The following BMPR2 variants were observed in gnomAD, a reference collection of about 807,000 sequenced individuals.
BMPR2 encodes the protein bone morphogenetic protein receptor type 2.
In BMPR2, 29 loss-of-function variants were observed where a neutral mutation model predicts 100.8. That is an observed-to-expected ratio of 0.29 (90% CI 0.21 to 0.39). The LOEUF (loss-of-function observed/expected upper bound fraction) is 0.39. Ranked by LOEUF, BMPR2 falls within the 10% of genes least tolerant of loss-of-function variation. BMPR2 has a pLI of 1.00. For missense variants in BMPR2, 1,011 were observed against 1,274.5 expected (o/e 0.79, Z 3.15); for synonymous variants, 382 against 442.3 (o/e 0.86, Z 1.71).
At position 202,532,481 on chromosome 2, in the gene BMPR2, A is replaced by T; in HGVS notation, c.1129-104A>T. On this transcript the variant is annotated intron_variant, in intron 8 of 12. Transcript: ENST00000374580. The surrounding 1 kb of genome is among the most constrained non-coding windows in gnomAD (Gnocchi z 4.1). ...GGTTTAATGACATGGTTAGGGTCAA[A>T]TAACATTGACATGACTAAGATTTAT... 10 of 1,388,830 alleles carry T rather than the reference A, an allele frequency of 7.2e-6. No homozygotes were observed. The highest frequency in any genetic ancestry group is 1.0e-5 in the Non-Finnish European group (10 of 995,964). The allele number at this position is 1,388,830 out of a possible 1,614,324, so 86.0% of individuals were successfully genotyped here.
At chr2:202,518,729 G>C (rs746975818) in intron 5 of BMPR2, 93 bp from the exon 6 acceptor site, 53 of 994,244 alleles carry the variant, frequency 5.3e-5, no homozygotes, top group Middle Eastern at 2.3e-4. Flanking sequence ...ACAGAGAGCT[G>C]TAGCATTCTG....
At chr2:202,508,407 T>G (rs969864970) in intron 3 of BMPR2, among the ~76,000 whole-genome samples, 1 of 152,188 alleles carries the variant, frequency 6.6e-6, no homozygotes, top group Non-Finnish European at 1.5e-5. Context: ...ATTATTTCCT[T>G]ATCACCAAGA....
At chr2:202,486,553 A>G (rs1692781775) in intron 3 of BMPR2, among the ~76,000 whole-genome samples, 1 of 148,850 alleles carries the variant, frequency 6.7e-6, no homozygotes, top group South Asian at 2.2e-4. Flanking sequence ...AATTGCTTGA[A>G]CTTGGGAGGT....
At chr2:202,378,303 C>T (rs1690198078) in intron 1 of BMPR2, among the ~76,000 whole-genome samples, 1 of 152,062 alleles carries the variant, frequency 6.6e-6, no homozygotes, top group Non-Finnish European at 1.5e-5. Flanking sequence ...TCTCAGAAAC[C>T]TTAGGAAAAA....
At position 202,513,799 on chromosome 2, in the gene BMPR2, G is replaced by T. The variant is rs1687665607; in HGVS notation, c.499G>T (p.Ala167Ser). The T allele has an allele frequency of 6.2e-7, 1 of 1,612,074 alleles. No homozygotes were observed. The highest frequency in any genetic ancestry group is 1.1e-5 in the South Asian group (1 of 90,936). Reference sequence around the variant, plus strand: ...CTCTGTATTAGCTGTTTTGATAGTTGCCTTATGCTTTGGATACAGAATGTT... The same window carrying T: ...CTCTGTATTAGCTGTTTTGATAGTTTCCTTATGCTTTGGATACAGAATGTT... ...SVSVLAVLIV[A>S]LCFGYRMLTG... The change falls in exon 4 of 13, where the codon GCC becomes TCC. Residue 167 changes from alanine (A) to serine (S), a missense_variant. Transcript: ENST00000374580.
chr2:202,476,766 G>A (rs1230275173), intron 3 of BMPR2, among the ~76,000 whole-genome samples: 1 of 152,120 alleles, frequency 6.6e-6, no homozygotes, highest in Non-Finnish European at 1.5e-5. Context: ...TCCAGCCTGG[G>A]ATGCAGAGCG....
intron 1 of BMPR2, among the ~76,000 whole-genome samples, chr2:202,387,745 T>C (rs1559021949): frequency 6.6e-6 from 1 of 152,234 alleles, no homozygotes; most frequent in Admixed American, 6.5e-5. Context: ...AGAGTGATGA[T>C]GACATATTTA....
In BMPR2 at chr2:202,464,810, T is replaced by C; in HGVS notation, c.78T>C (p.Ala26=). 1 of 1,610,328 alleles carries C rather than the reference T, an allele frequency of 6.2e-7. No individual in the cohort carries two copies. The highest frequency in any genetic ancestry group is 8.5e-7 in the Non-Finnish European group (1 of 1,178,576). Residue 26 remains alanine, a splice_region_variant and synonymous_variant, in exon 2 of 13, where the codon GCT becomes GCC. Coordinates refer to ENST00000374580, the MANE Select transcript of BMPR2 (RefSeq NM_001204.7). ...ATTCCTTTATTTCCTTTATTTTAGC[T>C]TCGCAGAATCAAGAACGGCTATGTG... ...WTILLVSTAA[A]SQNQERLCAF... is the part of the protein sequence containing the mutation.
chr2:202,482,087 T>A (rs116020902), intron 3 of BMPR2, among the ~76,000 whole-genome samples: 1 of 152,344 alleles, frequency 6.6e-6, no homozygotes, highest in African/African-American at 2.4e-5. Flanking sequence ...CATATTTGTC[T>A]TTTTGCAACT....
Position 202,566,260 on chromosome 2 carries a change from G to A in BMPR2, c.*6314G>A, listed in dbSNP as rs1055503605. The A allele has an allele frequency of 2.0e-5, 3 of 152,552 alleles. No homozygotes were observed. Among genetic ancestry groups the A allele is most frequent in the Non-Finnish European group, 4.4e-5 (3 of 67,998 alleles). 9.4% of individuals were successfully genotyped at this position (152,552 alleles called of 1,614,324 possible). ...TTTAGATGCATTCTACAGACATCAT[G>A]TTACTTAAAAACTCAGGGCCCCTTT... On this transcript the variant is annotated 3_prime_UTR_variant, in exon 13 of 13. Transcript: ENST00000374580.
At chr2:202,420,111 C>T (rs1047892495) in intron 1 of BMPR2, among the ~76,000 whole-genome samples, 2 of 151,920 alleles carry the variant, frequency 1.3e-5, no homozygotes, top group Non-Finnish European at 2.9e-5. Flanking sequence ...CATTTTTCCT[C>T]TAGAGTTATA....
chr2:202,453,386 A>G (rs1692028123), intron 1 of BMPR2, among the ~76,000 whole-genome samples: 1 of 152,204 alleles, frequency 6.6e-6, no homozygotes, highest in South Asian at 2.1e-4. Flanking sequence ...ATTGTTCACA[A>G]TAGCCAAGAT....
rs1690799338 is a variant in BMPR2, at chr2:202,403,072, C to T, written c.76+25522C>T. On this transcript the variant is annotated intron_variant, in intron 1 of 12. Coordinates refer to ENST00000374580, the MANE Select transcript of BMPR2 (RefSeq NM_001204.7). ...CAAACTCCGGACCTCAGGTAATCCA[C>T]CCTCCTCGGCCTCCCAAAGTGCCGG... 4.6e-5 allele frequency among the ~76,000 whole-genome samples: 7 copies of T among 152,148 alleles called. 1 individual carries two copies. Among genetic ancestry groups the T allele is most frequent in the Admixed American group, 4.6e-4 (7 of 15,278 alleles).
At chr2:202,557,064 C>T (rs1688588336) in intron 12 of BMPR2, among the ~76,000 whole-genome samples, 1 of 151,956 alleles carries the variant, frequency 6.6e-6, no homozygotes, top group African/African-American at 2.4e-5. Context: ...GGCGTGGTGG[C>T]TCATGCCTAT....
chr2:202,460,297 A>G (rs1692200893), intron 1 of BMPR2, among the ~76,000 whole-genome samples: 1 of 152,202 alleles, frequency 6.6e-6, no homozygotes, highest in Admixed American at 6.5e-5. Flanking sequence ...TGGTAAATAT[A>G]CACCATGGAA....
rs1574472585 is a variant in BMPR2, at chr2:202,485,329, T to TC, written c.418+17640_418+17641insC. ...AACAGAAATTTGTTCTTGGACAGCT[T>TC]TGGAGGCCAGCAGTCTAAAGCCAAG... On this transcript the variant is annotated intron_variant, in intron 3 of 12. Coordinates refer to ENST00000374580, the MANE Select transcript of BMPR2 (RefSeq NM_001204.7). 2.0e-5 allele frequency among the ~76,000 whole-genome samples: 3 copies of TC among 152,082 alleles called. No homozygotes were observed. In the East Asian group the frequency reaches 5.8e-4, roughly 29 times the overall value.
In BMPR2 at chr2:202,377,518, C is replaced by T. The variant is rs1432200219; in HGVS notation, c.44C>T (p.Pro15Leu). 6.2e-7 allele frequency: 1 copy of T among 1,614,236 alleles called. No homozygotes were observed. ...CGGCCCTGGCGGGTGCCCTGGCTAC[C>T]ATGGACCATCCTGCTGGTCAGCACT... is the stretch of plus-strand genomic sequence containing the variant. ...LQRPWRVPWL[P>L]WTILLVSTAA... Residue 15 changes from proline (P) to leucine (L), a missense_variant, in exon 1 of 13, where the codon CCA becomes CTA. Pro to Leu is a moderately conservative substitution (Grantham distance 98). Around this residue, in one of 6 missense-constraint regions of BMPR2, gnomAD observed 355 missense variants for 455.3 expected, o/e 0.78. Coordinates refer to ENST00000374580, the MANE Select transcript of BMPR2 (RefSeq NM_001204.7).
At chr2:202,484,776 C>G (rs1273552570) in intron 3 of BMPR2, among the ~76,000 whole-genome samples, 1 of 151,410 alleles carries the variant, frequency 6.6e-6, no homozygotes, top group Non-Finnish European at 1.5e-5. Flanking sequence ...ACCGTCCTGG[C>G]TAACACGGTG....
At chr2:202,520,559 C>T (rs1031600668) in intron 7 of BMPR2, 8 of 307,686 alleles carry the variant, frequency 2.6e-5, no homozygotes, top group South Asian at 1.6e-4. Context: ...CCTCTGCAAG[C>T]GGACAAGCAC....
Sources: allele counts gnomAD v4.1 joint callset (sites outside exome capture counted in the v4.1 genomes callset), GRCh38; gene constraint gnomAD v4.1.1; regional missense constraint gnomAD v4.1.1; non-coding constraint Gnocchi (gnomAD v3.1); transcripts MANE v1.5; gene names NCBI Gene and HGNC (gene_info 2026-07-23, HGNC 2026-07-21).